The following TMEM245 variants were observed in gnomAD, a reference collection of about 807,000 sequenced individuals.
TMEM245 encodes the protein protein CG-2.
A neutral mutation model predicts 101.2 loss-of-function variants in TMEM245; 69 were observed. That is an observed-to-expected ratio of 0.68 (90% CI 0.56 to 0.83). TMEM245 has a LOEUF of 0.83. TMEM245 is among the 40% of genes least tolerant of loss of function. TMEM245 has a pLI of 0.00. For synonymous variants in TMEM245, 537 were observed against 449.8 expected, an observed-to-expected ratio of 1.19 and a Z score of -2.45; for missense variants, 1,075 against 1,092.8, an observed-to-expected ratio of 0.98 and a Z score of 0.23.
chr9:109,083,584 T>C (rs1023544396), intron 7 of TMEM245, among the ~76,000 whole-genome samples: 42 of 152,148 alleles, frequency 2.8e-4, no homozygotes, highest in Admixed American at 2.6e-4. Context: ...AATTTATAGT[T>C]ACACCAAAAG....
At chr9:109,077,255 A>C (rs754253929) in intron 8 of TMEM245, among the ~76,000 whole-genome samples, 2 of 151,192 alleles carry the variant, frequency 1.3e-5, no homozygotes, top group Non-Finnish European at 3.0e-5. Context: ...GGATCAAGCA[A>C]TCCTCCCACC....
intron 3 of TMEM245, among the ~76,000 whole-genome samples, chr9:109,102,842 GAGT>G (rs1830315483): frequency 6.6e-6 from 1 of 152,192 alleles, no homozygotes; most frequent in Admixed American, 6.5e-5. Flanking sequence ...AAGAAGCAAG[GAGT>G]AAAGTATTGG....
chr9:109,073,307 C>T (rs1829389173), intron 9 of TMEM245, 49 bp downstream of exon 9: 1 of 1,405,390 alleles, frequency 7.1e-7, no homozygotes, highest in Non-Finnish European at 1.0e-6. Context: ...CAAACAGATG[C>T]TGAAACTAGG....
At chr9:109,073,971 G>A (rs753478167) in intron 8 of TMEM245, among the ~76,000 whole-genome samples, 7 of 148,074 alleles carry the variant, frequency 4.7e-5, no homozygotes, top group East Asian at 2.0e-4. Flanking sequence ...AGCGATTCTC[G>A]TGCCTCAGTC....
chr9:109,116,926 T>C (rs1044003070), intron 1 of TMEM245, among the ~76,000 whole-genome samples: 4 of 152,190 alleles, frequency 2.6e-5, no homozygotes, highest in African/African-American at 7.2e-5. Context: ...TTGAGCAGAA[T>C]GCAATTCCAT....
At chr9:109,094,189 A>G (rs1277190294) in intron 3 of TMEM245, among the ~76,000 whole-genome samples, 1 of 152,218 alleles carries the variant, frequency 6.6e-6, no homozygotes, top group East Asian at 1.9e-4. Context: ...GGTAGTACCA[A>G]GCTCAATCAT....
chr9:109,105,323 G>C (rs1036968404), intron 3 of TMEM245, among the ~76,000 whole-genome samples: 1 of 152,132 alleles, frequency 6.6e-6, no homozygotes, highest in African/African-American at 2.4e-5. Context: ...ACACCCACTG[G>C]ACTGGCCATT....
rs530199870 is a variant in TMEM245, at chr9:109,102,161, T to C, written c.799+4347A>G. 2.6e-4 allele frequency among the ~76,000 whole-genome samples: 39 copies of C among 152,136 alleles called. No individual in the cohort carries two copies. The South Asian group carries it at 7.5e-3, about 29-fold the overall frequency. Reference sequence around the variant, plus strand: ...TACAGCAGTTGCCAAAACAGGAAATTTACTTCCACTAGTCAGATATATAAC... The same window carrying C: ...TACAGCAGTTGCCAAAACAGGAAATCTACTTCCACTAGTCAGATATATAAC... On this transcript the variant is annotated intron_variant, in intron 3 of 17. Coordinates refer to ENST00000374586, the MANE Select transcript of TMEM245 (RefSeq NM_032012.4).
intron 8 of TMEM245, among the ~76,000 whole-genome samples, chr9:109,078,052 C>T (rs916647807): frequency 1.3e-5 from 2 of 152,178 alleles, no homozygotes; most frequent in Non-Finnish European, 2.9e-5. Flanking sequence ...TCCCCTAATC[C>T]TTAGGCTATT....
chr9:109,081,613 A>AG (rs1829668304), intron 7 of TMEM245, among the ~76,000 whole-genome samples: 1 of 152,136 alleles, frequency 6.6e-6, no homozygotes, highest in South Asian at 2.1e-4. Context: ...TGTTTTATTA[A>AG]GGGGGGAGTC....
intron 9 of TMEM245, among the ~76,000 whole-genome samples, chr9:109,071,286 T>C (rs1829324653): frequency 6.6e-6 from 1 of 152,068 alleles, no homozygotes; most frequent in African/African-American, 2.4e-5. Flanking sequence ...CCACAATTTA[T>C]ATTTCAAAAG....
At chr9:109,094,836 A>C (rs1303292747) in intron 3 of TMEM245, among the ~76,000 whole-genome samples, 17 of 152,206 alleles carry the variant, frequency 1.1e-4, no homozygotes, top group South Asian at 2.1e-4. Flanking sequence ...TGGTAGGCCA[A>C]GACTCCGTAT....
rs751599755 is a variant in TMEM245 at position 109,050,328 on chromosome 9, C to T, written c.2078G>A (p.Gly693Asp). 5.0e-6 allele frequency: 8 copies of T among 1,614,048 alleles called. No individual in the cohort carries two copies. Among genetic ancestry groups the T allele is most frequent in the Non-Finnish European group, 5.9e-6 (7 of 1,180,010 alleles). The change falls in exon 14 of 18, where the codon GGT becomes GAT. Residue 693 changes from glycine to aspartate, a missense_variant. By Grantham distance (94) the Gly-to-Asp change is moderately conservative. This residue lies in a region of TMEM245 where 267 missense variants were observed against 351.3 expected (regional missense o/e 0.76). Transcript: ENST00000374586. ...VISLTPLSQP[G>D]PSSNIIGQSV... ...CTGGCCAATAATATTAGAAGAAGGA[C>T]CTGGCTGAGATAGTGGAGTCAGGCT... is the stretch of plus-strand genomic sequence containing the variant.
At chr9:109,068,554 G>A (rs1313469757) in intron 9 of TMEM245, among the ~76,000 whole-genome samples, 4 of 151,808 alleles carry the variant, frequency 2.6e-5, no homozygotes, top group Admixed American at 6.6e-5. Context: ...CACAGGAATC[G>A]CTTGAACCCA....
chr9:109,117,030 T>C (rs1467777790), intron 1 of TMEM245, among the ~76,000 whole-genome samples: 1 of 152,148 alleles, frequency 6.6e-6, no homozygotes, highest in Non-Finnish European at 1.5e-5. Context: ...CTCATACTTT[T>C]ATGTTGAGTT....
chr9:109,054,001 C>T (rs758560324), intron 12 of TMEM245, among the ~76,000 whole-genome samples: 5 of 152,260 alleles, frequency 3.3e-5, no homozygotes, highest in South Asian at 2.1e-4. Context: ...GACCTCAAAA[C>T]GCCATTTCAA....
intron 16 of TMEM245, among the ~76,000 whole-genome samples, chr9:109,035,757 A>T (rs1163598985): frequency 2.6e-5 from 4 of 152,016 alleles, no homozygotes; most frequent in African/African-American, 9.7e-5. Context: ...CATATATATT[A>T]TAAATATTAC....
intron 5 of TMEM245, among the ~76,000 whole-genome samples, chr9:109,090,632 G>A (rs1829971650): frequency 6.6e-6 from 1 of 151,464 alleles, no homozygotes; most frequent in Non-Finnish European, 1.5e-5. Context: ...GCTGAGGCAG[G>A]AGAATGGCAT....
At chr9:109,102,495 T>A (rs766551915) in intron 3 of TMEM245, among the ~76,000 whole-genome samples, 1 of 152,220 alleles carries the variant, frequency 6.6e-6, no homozygotes, top group Admixed American at 6.5e-5. Flanking sequence ...ATGATGAGAA[T>A]AAAATGAAGA....
Sources: allele counts gnomAD v4.1 joint callset (sites outside exome capture counted in the v4.1 genomes callset), GRCh38; gene constraint gnomAD v4.1.1; regional missense constraint gnomAD v4.1.1; transcripts MANE v1.5; gene names NCBI Gene and HGNC (gene_info 2026-07-23, HGNC 2026-07-21).